KLHL29: variants seen among roughly 807,000 people sequenced by gnomAD.
KLHL29 encodes the protein kelch-like protein 29.
KLHL29 carries 21 observed loss-of-function variants against 80.4 expected under a neutral mutation model. The ratio of observed to expected loss-of-function variants is 0.26; its 90% CI spans 0.19 to 0.38. The LOEUF (loss-of-function observed/expected upper bound fraction) is 0.38. KLHL29 is among the 10% of genes least tolerant of loss of function. KLHL29 has a pLI of 1.00. For missense variants in KLHL29, 867 were observed against 1,223.9 expected, an observed-to-expected ratio of 0.71 and a Z score of 4.35; for synonymous variants, 511 against 526.8, an observed-to-expected ratio of 0.97 and a Z score of 0.41.
intron 1 of KLHL29, among the ~76,000 whole-genome samples, chr2:23,424,753 C>A (rs1662959413): frequency 6.6e-6 from 1 of 152,140 alleles, no homozygotes; most frequent in African/African-American, 2.4e-5. Flanking sequence ...TTATTACCAG[C>A]AATGTGTTAT....
At chr2:23,416,245 G>A (rs1052421357) in intron 1 of KLHL29, among the ~76,000 whole-genome samples, 1 of 152,192 alleles carries the variant, frequency 6.6e-6, no homozygotes, top group Non-Finnish European at 1.5e-5. Flanking sequence ...ACCTCACAGA[G>A]CTCCACTTCT....
At position 23,693,378 on chromosome 2, in the gene KLHL29, C is replaced by T. The variant is rs115363888; in HGVS notation, c.1392C>T (p.Pro464=). The T allele has an allele frequency of 2.3e-4, 360 of 1,551,740 alleles. No individual in the cohort carries two copies. The African/African-American group carries it at 3.7e-3, about 16-fold the overall frequency. The change falls in exon 8 of 14, where the codon CCC becomes CCT. Residue 464 remains proline, a synonymous_variant. Coordinates refer to ENST00000486442, the MANE Select transcript of KLHL29 (RefSeq NM_052920.2). ...MAKAFALQIF[P]EVAAQEEILS... ...AGGCCTTCGCGCTGCAGATCTTCCC[C>T]GAGGTGGCCGCCCAGGAGGAGATCC...
rs1671742788 is a variant in KLHL29 at position 23,693,347 on chromosome 2, T to C, written c.1361T>C (p.Met454Thr). 1.3e-6 allele frequency: 2 copies of C among 1,551,582 alleles called. No homozygotes were observed. The highest frequency in any genetic ancestry group is 1.2e-5 in the South Asian group (1 of 84,060). The change falls in exon 8 of 14, where the codon ATG (methionine) becomes ACG (threonine). Residue 454 changes from methionine (M) to threonine (T), a missense_variant. By Grantham distance (81) the Met-to-Thr change is moderately conservative. This residue lies in a region of KLHL29 where 443 missense variants were observed against 767.0 expected (regional missense o/e 0.58). Transcript: ENST00000486442. ...EAMQCSELYH[M>T]AKAFALQIFP... ...ATGCAGTGCAGCGAGCTCTACCACA[T>C]GGCCAAGGCCTTCGCGCTGCAGATC...
At chr2:23,537,598 T>C (rs1227698080) in intron 2 of KLHL29, among the ~76,000 whole-genome samples, 2 of 152,202 alleles carry the variant, frequency 1.3e-5, no homozygotes, top group Middle Eastern at 3.2e-3. Flanking sequence ...AGGATTCATC[T>C]GTTGGCAGAA....
rs79078998 is a variant in KLHL29, at chr2:23,503,197, G to C, written c.-46+27530G>C. 3.9e-5 allele frequency among the ~76,000 whole-genome samples: 6 copies of C among 152,324 alleles called. No homozygotes were observed. The East Asian group carries it at 1.2e-3, about 29-fold the overall frequency. ...CAGGCAGATCTGAGTGGAGGCTGCT[G>C]TCCTGTGAAGTAGACCTGGCAGGGG... On this transcript the variant is annotated intron_variant, in intron 2 of 13. Coordinates refer to ENST00000486442, the MANE Select transcript of KLHL29 (RefSeq NM_052920.2). The surrounding 1 kb of genome is among the most constrained non-coding windows in gnomAD (Gnocchi z 4.0).
At chr2:23,565,029 G>A (rs114877008) in intron 3 of KLHL29, among the ~76,000 whole-genome samples, 210 of 152,340 alleles carry the variant, frequency 1.4e-3, no homozygotes, top group Non-Finnish European at 2.4e-3. Flanking sequence ...GGAAGAGGTC[G>A]TTGTACTTGC....
intron 3 of KLHL29, chr2:23,616,989 G>A (rs1375529854): frequency 2.0e-5 from 3 of 152,258 alleles, no homozygotes; most frequent in Non-Finnish European, 4.4e-5. Context: ...TGTTTGCCCA[G>A]CCCGGTTTGA....
At chr2:23,606,203 A>G (rs1668724114) in intron 3 of KLHL29, among the ~76,000 whole-genome samples, 1 of 146,080 alleles carries the variant, frequency 6.8e-6, no homozygotes, top group Admixed American at 6.8e-5. Context: ...AGAGAGAGGG[A>G]GAGAGAGAGA....
rs113042216 is a variant in KLHL29, at chr2:23,525,739, A to T, written c.-45-36413A>T. ...GCCCCAGCCCCTGCCCCCCCCCCCC[A>T]CCCGAGGCGAGCCAGCAGAGCCAGG... is the stretch of plus-strand genomic sequence containing the variant. On this transcript the variant is annotated intron_variant, in intron 2 of 13. Coordinates refer to ENST00000486442, the MANE Select transcript of KLHL29 (RefSeq NM_052920.2). Among the ~76,000 whole-genome samples the T allele has an allele frequency of 5.0e-3, 53 of 10,648 alleles. 4 individuals carry two copies. The highest frequency in any genetic ancestry group is 0.016 in the African/African-American group (39 of 2,364). The allele number at this position is 10,648 out of a possible 152,430, so 7.0% of individuals were successfully genotyped here.
intron 1 of KLHL29, among the ~76,000 whole-genome samples, chr2:23,439,247 G>A (rs185022810): frequency 1.0e-4 from 15 of 146,806 alleles, no homozygotes; most frequent in African/African-American, 2.5e-4. Context: ...TTTGTTGATC[G>A]TTTCAAAAAA....
In KLHL29 at chr2:23,703,316, G is replaced by A. The variant is rs1358727996; in HGVS notation, c.2236G>A (p.Gly746Ser). 1.1e-5 allele frequency: 17 copies of A among 1,546,606 alleles called. No individual in the cohort carries two copies. The highest frequency in any genetic ancestry group is 7.4e-5 in the East Asian group (3 of 40,784). Residue 746 changes from glycine to serine, a missense_variant, in exon 12 of 14, where the codon GGC becomes AGC. Physicochemically the swap from Gly to Ser is moderately conservative, Grantham distance 56 (BLOSUM62 0). Transcript: ENST00000486442. Reference protein sequence around the residue: ...GGVNEAGRAAGVLQSYVPQTN... With the variant: ...GGVNEAGRAASVLQSYVPQTN... ...GGTGAACGAGGCAGGCCGAGCTGCC[G>A]GCGTCCTCCAGTCTTACGTTCCTCA...
At chr2:23,686,041 G>A (rs1671243699) in intron 6 of KLHL29, among the ~76,000 whole-genome samples, 1 of 152,222 alleles carries the variant, frequency 6.6e-6, no homozygotes. Flanking sequence ...GCACACAACA[G>A]AGAAGAACAC....
At chr2:23,528,571 C>T (rs1159353364) in intron 2 of KLHL29, among the ~76,000 whole-genome samples, 1 of 152,194 alleles carries the variant, frequency 6.6e-6, no homozygotes, top group Non-Finnish European at 1.5e-5. Flanking sequence ...GCTTTATTCC[C>T]TTAGCCCAGA....
At chr2:23,401,755 G>A (rs992290304) in intron 1 of KLHL29, among the ~76,000 whole-genome samples, 1 of 152,182 alleles carries the variant, frequency 6.6e-6, no homozygotes, top group Non-Finnish European at 1.5e-5. Flanking sequence ...CTGTCCGGCT[G>A]GACTGAGGCT....
chr2:23,647,780 G>A lies in KLHL29; in HGVS notation c.940+4930G>A, dbSNP rs959215915. 3.3e-5 allele frequency among the ~76,000 whole-genome samples: 5 copies of A among 152,054 alleles called. No individual in the cohort carries two copies. Among genetic ancestry groups the A allele is most frequent in the Admixed American group, 1.3e-4 (2 of 15,268 alleles). On this transcript the variant is annotated intron_variant, in intron 5 of 13. Transcript: ENST00000486442. This position sits in a 1 kb window ranked among gnomAD's most constrained non-coding sequence, Gnocchi z 4.9. ...TGCTGTTCTGCTTGCAGGCTGCCCC[G>A]TAACCACCCCAGGCCTTGGCTCTCC...
At chr2:23,586,337 C>A (rs1047258147) in intron 3 of KLHL29, among the ~76,000 whole-genome samples, 4 of 151,538 alleles carry the variant, frequency 2.6e-5, no homozygotes, top group East Asian at 1.9e-4. Flanking sequence ...AGCCTCCCCC[C>A]CATTCCTTCT....
chr2:23,554,400 A>G (rs531543015), intron 2 of KLHL29, among the ~76,000 whole-genome samples: 38 of 152,338 alleles, frequency 2.5e-4, no homozygotes, highest in African/African-American at 8.7e-4. Context: ...TTCCTCAGCC[A>G]GCCACCTCGG....
intron 1 of KLHL29, among the ~76,000 whole-genome samples, chr2:23,427,490 G>A (rs190546861): frequency 6.6e-6 from 1 of 152,144 alleles, no homozygotes; most frequent in African/African-American, 2.4e-5. Context: ...TCTCTGTGAG[G>A]CTCAGAGGGG....
In KLHL29 at chr2:23,576,254, A is replaced by G. The variant is rs1667839234; in HGVS notation, c.285+13773A>G. 3.3e-5 allele frequency among the ~76,000 whole-genome samples: 5 copies of G among 150,998 alleles called. No individual in the cohort carries two copies. In the South Asian group the frequency reaches 8.4e-4, roughly 25 times the overall value. ...CAGGAGGCAGAGGTTGCAGTGAGCC[A>G]AGATAGCACCATTGCACTCCAGCCT... On this transcript the variant is annotated intron_variant, in intron 3 of 13. Coordinates refer to ENST00000486442, the MANE Select transcript of KLHL29 (RefSeq NM_052920.2).
Sources: allele counts gnomAD v4.1 joint callset (sites outside exome capture counted in the v4.1 genomes callset), GRCh38; gene constraint gnomAD v4.1.1; regional missense constraint gnomAD v4.1.1; non-coding constraint Gnocchi (gnomAD v3.1); transcripts MANE v1.5; gene names NCBI Gene and HGNC (gene_info 2026-07-23, HGNC 2026-07-21).